GRIA4: variants seen among roughly 807,000 people sequenced by gnomAD.
GRIA4 encodes glutamate receptor 4.
A neutral mutation model predicts 104.0 loss-of-function variants in GRIA4; 34 were observed. The observed-to-expected ratio is 0.33, with a 90% CI of 0.25 to 0.44. The LOEUF is 0.44. GRIA4 is among the 20% of genes least tolerant of loss of function. The pLI is 1.00. For synonymous variants in GRIA4, 386 were observed against 381.9 expected, an observed-to-expected ratio of 1.01 and a Z score of -0.13; for missense variants, 750 against 1,096.5, an observed-to-expected ratio of 0.68 and a Z score of 4.46.
intron 3 of GRIA4, among the ~76,000 whole-genome samples, chr11:105,690,118 A>T (rs1394906863): frequency 6.6e-6 from 1 of 151,972 alleles, no homozygotes; most frequent in Non-Finnish European, 1.5e-5. Flanking sequence ...TTTTTCTTCA[A>T]CGTCATAGAC....
intron 4 of GRIA4, among the ~76,000 whole-genome samples, chr11:105,822,264 C>A (rs981603148): frequency 1.3e-5 from 2 of 152,006 alleles, no homozygotes; most frequent in Non-Finnish European, 2.9e-5. Flanking sequence ...CCAATGCCTA[C>A]CCCAGAGGAA....
intron 4 of GRIA4, among the ~76,000 whole-genome samples, chr11:105,815,632 A>C (rs1299872740): frequency 6.6e-6 from 1 of 151,494 alleles, no homozygotes; most frequent in Non-Finnish European, 1.5e-5. Flanking sequence ...TTTTAAATAC[A>C]CTGCCAAGTA....
At chr11:105,802,014 C>G (rs1239109785) in intron 4 of GRIA4, among the ~76,000 whole-genome samples, 3 of 151,926 alleles carry the variant, frequency 2.0e-5, no homozygotes, top group Middle Eastern at 6.3e-3. Context: ...TACTGGAGAT[C>G]CAAGTAAGGG....
At chr11:105,624,511 T>C (rs570495742) in intron 3 of GRIA4, among the ~76,000 whole-genome samples, 1 of 152,268 alleles carries the variant, frequency 6.6e-6, no homozygotes, top group Admixed American at 6.5e-5. Flanking sequence ...TTCTTGATCA[T>C]CTACATTGCA....
Position 105,974,336 on chromosome 11 carries a change from C to A in GRIA4, c.2436C>A (p.Ser812Arg). 6.2e-7 allele frequency: 1 copy of A among 1,613,596 alleles called. No individual in the cohort carries two copies. The highest frequency in any genetic ancestry group is 8.5e-7 in the Non-Finnish European group (1 of 1,179,568). Reference sequence around the variant, plus strand: ...ACAAGACGAGTGCCTTGAGCCTGAGCAATGTAGCAGGCGTCTTCTACATTC... The same window carrying A: ...ACAAGACGAGTGCCTTGAGCCTGAGAAATGTAGCAGGCGTCTTCTACATTC... ...SKDKTSALSLSNVAGVFYILV... is the reference protein window; with the variant it reads ...SKDKTSALSLRNVAGVFYILV... The change falls in exon 16 of 17, where the codon AGC becomes AGA. Residue 812 changes from serine (S) to arginine (R), a missense_variant. Physicochemically the swap from Ser to Arg is moderately radical, Grantham distance 110 (BLOSUM62 -1). Around this residue, in one of 3 missense-constraint regions of GRIA4, gnomAD observed 272 missense variants for 524.5 expected, o/e 0.52. Coordinates refer to ENST00000282499, the MANE Select transcript of GRIA4 (RefSeq NM_000829.4).
chr11:105,846,380 A>G (rs949914273), intron 4 of GRIA4, among the ~76,000 whole-genome samples: 118 of 152,298 alleles, frequency 7.7e-4, no homozygotes, highest in Non-Finnish European at 5.7e-4. Flanking sequence ...AAATATTTAC[A>G]TACATATTCA....
chr11:105,675,644 G>C (rs1348580679), intron 3 of GRIA4, among the ~76,000 whole-genome samples: 1 of 151,744 alleles, frequency 6.6e-6, no homozygotes, highest in African/African-American at 2.4e-5. Context: ...GCATTATCCA[G>C]TTACTCTCAG....
chr11:105,917,453 G>C (rs1947437639), intron 10 of GRIA4, among the ~76,000 whole-genome samples: 2 of 152,094 alleles, frequency 1.3e-5, no homozygotes, highest in Non-Finnish European at 2.9e-5. Context: ...ATTAGTGTAG[G>C]TTGCCATGTT....
rs1591508965 is a variant in GRIA4, at chr11:105,979,445, C to T, written c.2545-130C>T. 8.8e-6 allele frequency: 7 copies of T among 798,636 alleles called. No individual in the cohort carries two copies. The East Asian group carries it at 1.3e-4, about 14-fold the overall frequency. 49.5% of individuals were successfully genotyped at this position (798,636 alleles called of 1,614,324 possible). On this transcript the variant is annotated intron_variant, in intron 16 of 16. Coordinates refer to ENST00000282499, the MANE Select transcript of GRIA4 (RefSeq NM_000829.4). ...CCTGGATAAGCAGTTTTCATATGACCAAAAGAACATGGAAAAAATGCAGAT... is the reference window on the plus strand; with the variant it reads ...CCTGGATAAGCAGTTTTCATATGACTAAAAGAACATGGAAAAAATGCAGAT...
At chr11:105,679,240 C>A (rs1248906168) in intron 3 of GRIA4, among the ~76,000 whole-genome samples, 1 of 152,076 alleles carries the variant, frequency 6.6e-6, no homozygotes, top group Non-Finnish European at 1.5e-5. Flanking sequence ...GGATGAGAAC[C>A]AACCACGTTA....
intron 3 of GRIA4, among the ~76,000 whole-genome samples, chr11:105,717,441 T>A (rs193031418): frequency 2.0e-5 from 3 of 152,180 alleles, no homozygotes; most frequent in Non-Finnish European, 2.9e-5. Flanking sequence ...AATCTCACTA[T>A]CTCTCCAAAA....
At chr11:105,614,819 A>C (rs1950560343) in intron 3 of GRIA4, among the ~76,000 whole-genome samples, 1 of 152,014 alleles carries the variant, frequency 6.6e-6, no homozygotes, top group Non-Finnish European at 1.5e-5. Context: ...TGTTTGTTGA[A>C]TGGACTGACC....
At chr11:105,697,119 A>G (rs888533952) in intron 3 of GRIA4, among the ~76,000 whole-genome samples, 3 of 152,180 alleles carry the variant, frequency 2.0e-5, no homozygotes, top group Non-Finnish European at 2.9e-5. Context: ...ATTCTCTAGC[A>G]TACTTGTTAC....
At chr11:105,824,892 T>G (rs1943710479) in intron 4 of GRIA4, 1 of 152,200 alleles carries the variant, frequency 6.6e-6, no homozygotes, top group Non-Finnish European at 1.5e-5. Flanking sequence ...AGTATAATGA[T>G]GCCTCTAGGG....
intron 3 of GRIA4, among the ~76,000 whole-genome samples, chr11:105,679,035 A>G (rs1289055810): frequency 6.6e-6 from 1 of 152,086 alleles, no homozygotes; most frequent in Non-Finnish European, 1.5e-5. Flanking sequence ...GAGAAATAGA[A>G]CCAATAGGAT....
intron 5 of GRIA4, among the ~76,000 whole-genome samples, chr11:105,886,123 T>G (rs56001085): frequency 0.032 from 4,831 of 152,332 alleles, 115 homozygotes; most frequent in Admixed American, 0.044. Flanking sequence ...AGAAATTTTA[T>G]TTCACCAATA....
At chr11:105,768,139 T>G (rs541970074) in intron 4 of GRIA4, among the ~76,000 whole-genome samples, 1 of 152,242 alleles carries the variant, frequency 6.6e-6, no homozygotes, top group African/African-American at 2.4e-5. Context: ...TGATCACAGG[T>G]GTTGGCTGTA....
chr11:105,661,189 T>C (rs1439995194), intron 3 of GRIA4, among the ~76,000 whole-genome samples: 4 of 151,616 alleles, frequency 2.6e-5, no homozygotes, highest in Admixed American at 1.3e-4. Flanking sequence ...TGAAATACTA[T>C]GTTAGCAGGG....
intron 3 of GRIA4, chr11:105,614,335 T>C (rs1329141614): frequency 6.6e-6 from 1 of 151,888 alleles, no homozygotes; most frequent in African/African-American, 2.4e-5. Context: ...AATCCTCTTT[T>C]CCTCCTTTTT....
Sources: allele counts gnomAD v4.1 joint callset (sites outside exome capture counted in the v4.1 genomes callset), GRCh38; gene constraint gnomAD v4.1.1; regional missense constraint gnomAD v4.1.1; transcripts MANE v1.5; gene names NCBI Gene and HGNC (gene_info 2026-07-23, HGNC 2026-07-21).